Variants in KATNA1 observed in about 807,000 individuals in gnomAD.
The protein encoded by KATNA1 is katanin catalytic subunit A1.
KATNA1 carries 42 observed loss-of-function variants against 62.6 expected under a neutral mutation model. That is an observed-to-expected ratio of 0.67 (90% CI 0.52 to 0.87). The LOEUF (loss-of-function observed/expected upper bound fraction) is 0.87. Among genes scored for constraint, KATNA1 ranks in the 40% least tolerant of loss-of-function variants. KATNA1 has a pLI of 0.00. For synonymous variants in KATNA1, 186 were observed against 201.9 expected (o/e 0.92, Z 0.67); for missense variants, 498 against 612.5 (o/e 0.81, Z 1.97).
chr6:149,596,727 A>G (rs575226796), intron 10 of KATNA1, among the ~76,000 whole-genome samples: 102 of 152,086 alleles, frequency 6.7e-4, no homozygotes, highest in African/African-American at 2.4e-3. Flanking sequence ...ATGCCCGGCT[A>G]ATTTTTAAAA....
chr6:149,642,766 C>T (rs1191619666), intron 1 of KATNA1, among the ~76,000 whole-genome samples: 1 of 151,910 alleles, frequency 6.6e-6, no homozygotes, highest in Non-Finnish European at 1.5e-5. Context: ...CATACATATC[C>T]AAGAAAGTAC....
intron 4 of KATNA1, among the ~76,000 whole-genome samples, chr6:149,605,203 A>T (rs1198868492): frequency 6.6e-6 from 1 of 151,974 alleles, no homozygotes; most frequent in Non-Finnish European, 1.5e-5. Context: ...ATAATAATAC[A>T]ATAACAAGGA....
chr6:149,603,016 C>T lies in KATNA1; in HGVS notation c.729+252G>A, dbSNP rs563802133. Among the ~76,000 whole-genome samples, 122 of 152,252 alleles carry T rather than the reference C, an allele frequency of 8.0e-4. 2 individuals carry two copies. The South Asian group carries it at 0.023, about 28-fold the overall frequency. ...GATTACAGGCGTGAGCCACCACGCC[C>T]GGCCAAATTCTAAATTTTAATGCTG... On this transcript the variant is annotated intron_variant, in intron 6 of 10. Transcript: ENST00000367411.
chr6:149,625,629 AAAAG>A (rs1779575339), intron 3 of KATNA1, among the ~76,000 whole-genome samples: 1 of 148,042 alleles, frequency 6.8e-6, no homozygotes, highest in Middle Eastern at 3.6e-3. Context: ...GACTGTCTCA[AAAAG>A]AAAGAAAAGA....
chr6:149,595,740 A>T (rs1435199441), intron 10 of KATNA1, among the ~76,000 whole-genome samples: 1 of 151,988 alleles, frequency 6.6e-6, no homozygotes, highest in East Asian at 1.9e-4. Context: ...GCCACCATTT[A>T]TGCAAAGGGA....
Position 149,600,770 on chromosome 6 carries a change from TA to T in KATNA1, c.888+823del, listed in dbSNP as rs386408910. On this transcript the variant is annotated intron_variant, in intron 7 of 10. Coordinates refer to ENST00000367411, the MANE Select transcript of KATNA1 (RefSeq NM_007044.4). ...GGGCAACACAGCAAGACCCCATCTG[TA>T]AAAAAAAAAAAAAAAAAAAAATGAG... is the stretch of plus-strand genomic sequence containing the variant. 6.2e-3 allele frequency among the ~76,000 whole-genome samples: 674 copies of T among 108,350 alleles called. 3 individuals carry two copies. The highest frequency in any genetic ancestry group is 0.017 in the African/African-American group (489 of 28,832). The allele number at this position is 108,350 out of a possible 152,430, so 71.1% of individuals were successfully genotyped here.
At chr6:149,622,133 T>C (rs1483707269) in intron 4 of KATNA1, among the ~76,000 whole-genome samples, 1 of 36,590 alleles carries the variant, frequency 2.7e-5, no homozygotes, top group Non-Finnish European at 3.8e-5. Context: ...GTTTTTTTTG[T>C]TTTTTTTTTT....
At chr6:149,620,983 T>G (rs1779369484) in intron 4 of KATNA1, among the ~76,000 whole-genome samples, 1 of 152,190 alleles carries the variant, frequency 6.6e-6, no homozygotes, top group Middle Eastern at 3.4e-3. Context: ...AACAGAGTAT[T>G]TACATAGTCT....
chr6:149,614,556 TA>T (rs1260735924), intron 4 of KATNA1, among the ~76,000 whole-genome samples: 3 of 152,110 alleles, frequency 2.0e-5, no homozygotes, highest in African/African-American at 2.4e-5. Flanking sequence ...AAGGATTGCT[TA>T]AGGCCAGGAT....
chr6:149,596,765 A>G (rs533383642), intron 10 of KATNA1, among the ~76,000 whole-genome samples: 1 of 152,100 alleles, frequency 6.6e-6, no homozygotes, highest in East Asian at 1.9e-4. Flanking sequence ...AGGTCTTGCA[A>G]TGTTACCCAG....
At chr6:149,603,195 T>C (rs1169512737) in intron 6 of KATNA1, 73 bp downstream of exon 6, 1 of 644,572 alleles carries the variant, frequency 1.6e-6, no homozygotes, top group East Asian at 2.8e-5. Flanking sequence ...TTTCCCAATA[T>C]AGATAAATAT....
chr6:149,632,896 C>T lies in KATNA1; in HGVS notation c.183G>A (p.Val61=), dbSNP rs773661189. ...TGATATCTTTAACATGTTTAGCTTCCACATTTATTTCCTGCCAAACCTGAT... is the reference window on the plus strand; with the variant it reads ...TGATATCTTTAACATGTTTAGCTTCTACATTTATTTCCTGCCAAACCTGAT... ...KWQQVWQEIN[V]EAKHVKDIMK... The change falls in exon 3 of 11, where the codon GTG becomes GTA. Residue 61 remains valine, a synonymous_variant. Coordinates refer to ENST00000367411, the MANE Select transcript of KATNA1 (RefSeq NM_007044.4). The T allele has an allele frequency of 4.4e-6, 7 of 1,606,464 alleles. No individual in the cohort carries two copies. In the South Asian group the frequency reaches 7.8e-5, roughly 18 times the overall value.
chr6:149,639,485 G>A (rs1780201489), intron 1 of KATNA1, among the ~76,000 whole-genome samples: 1 of 152,022 alleles, frequency 6.6e-6, no homozygotes, highest in Non-Finnish European at 1.5e-5. Context: ...TGTAATCACA[G>A]CTACTCAGGA....
intron 4 of KATNA1, among the ~76,000 whole-genome samples, chr6:149,617,914 T>C (rs9406346): frequency 0.46 from 66,333 of 145,530 alleles, 15,983 homozygotes; most frequent in East Asian, 0.81. Flanking sequence ...CCAGCCAGGG[T>C]GACAGAGTGA....
Position 149,615,629 on chromosome 6 carries a change from C to T in KATNA1, c.501+7474G>A, listed in dbSNP as rs546101007. ...CCCATCAAAAGACAAACTGGCAGAA[C>T]GGACAAAAAACTGACAGGGTGTGCA... On this transcript the variant is annotated intron_variant, in intron 4 of 10. Transcript: ENST00000367411. Among the ~76,000 whole-genome samples the T allele has an allele frequency of 3.9e-5, 6 of 152,062 alleles. No homozygotes were observed. The South Asian group carries it at 1.0e-3, about 26-fold the overall frequency.
chr6:149,599,077 C>T (rs1245662467), intron 7 of KATNA1, among the ~76,000 whole-genome samples: 1 of 151,916 alleles, frequency 6.6e-6, no homozygotes, highest in Non-Finnish European at 1.5e-5. Flanking sequence ...GTTGCCTAGG[C>T]TGGTCTCAAA....
rs758935014 is a variant in KATNA1, at chr6:149,623,192, G to A, written c.412C>T (p.Arg138Cys). 6.8e-6 allele frequency: 11 copies of A among 1,613,282 alleles called. No individual in the cohort carries two copies. The highest frequency in any genetic ancestry group is 5.5e-5 in the South Asian group (5 of 91,004). ...TTGTGAACATTCTGTGCAGATGAAC[G>A]GTGAACTCTGACAGTTGTACTTGGA... ...NRPSTTVRVH[R>C]SSAQNVHNDR... The change falls in exon 4 of 11, where the codon CGT becomes TGT. Residue 138 changes from arginine (R) to cysteine (C), a missense_variant. By Grantham distance (180) the Arg-to-Cys change is radical. Transcript: ENST00000367411.
At chr6:149,648,243 G>A (rs1209932217) in intron 1 of KATNA1, among the ~76,000 whole-genome samples, 2 of 152,174 alleles carry the variant, frequency 1.3e-5, no homozygotes, top group Non-Finnish European at 1.5e-5. Context: ...GGGATCGACA[G>A]GAGCCCCCGA....
At position 149,626,147 on chromosome 6, in the gene KATNA1, A is replaced by G. The variant is rs529411428; in HGVS notation, c.321-2864T>C. Among the ~76,000 whole-genome samples, 6 of 152,304 alleles carry G rather than the reference A, an allele frequency of 3.9e-5. No individual in the cohort carries two copies. In the South Asian group the frequency reaches 1.2e-3, roughly 32 times the overall value. On this transcript the variant is annotated intron_variant, in intron 3 of 10. Transcript: ENST00000367411. ...AGTATAGTTGGCCTTCCATATCTGC[A>G]GATTCCACAATGTGGAGTCGACCAA...
Sources: allele counts gnomAD v4.1 joint callset (sites outside exome capture counted in the v4.1 genomes callset), GRCh38; gene constraint gnomAD v4.1.1; transcripts MANE v1.5; gene names NCBI Gene and HGNC (gene_info 2026-07-23, HGNC 2026-07-21).